VPS53: variants seen among roughly 807,000 people sequenced by gnomAD.
VPS53 encodes the protein vacuolar protein sorting-associated protein 53 homolog.
Under a neutral mutation model 107.0 loss-of-function variants are expected in VPS53, and 70 were observed. The ratio of observed to expected loss-of-function variants is 0.65; its 90% confidence interval spans 0.54 to 0.80. VPS53 has a LOEUF of 0.80. Ranked by LOEUF, VPS53 falls within the 30% of genes least tolerant of loss-of-function variation. The probability of loss-of-function intolerance (pLI) is 0.00; values close to 1 mark genes in which losing one functional copy is unlikely to be tolerated. For synonymous variants in VPS53, 409 were observed against 393.3 expected, an observed-to-expected ratio of 1.04 and a Z score of -0.47; for missense variants, 917 against 1,049.4, an observed-to-expected ratio of 0.87 and a Z score of 1.74.
At chr17:553,579 T>TC in intron 15 of VPS53, 117 bp from the exon 16 acceptor site, 1 of 772,998 alleles carries the variant, frequency 1.3e-6, no homozygotes, top group East Asian at 2.8e-5. Flanking sequence ...ATACACTTTT[T>TC]TTTTTTTTTT....
chr17:601,207 TTAACCAA>T (rs546572652), intron 12 of VPS53: 2 of 152,360 alleles, frequency 1.3e-5, no homozygotes, highest in East Asian at 3.9e-4. Flanking sequence ...AACATGGCAG[TTAACCAA>T]AAACACCATT....
At chr17:707,628 C>T (rs2144001644) in intron 2 of VPS53, among the ~76,000 whole-genome samples, 1 of 151,606 alleles carries the variant, frequency 6.6e-6, no homozygotes, top group African/African-American at 2.4e-5. Flanking sequence ...GCGGGAGGAT[C>T]ACATTAGCTC....
At chr17:611,870 T>C (rs2143013448) in intron 11 of VPS53, among the ~76,000 whole-genome samples, 1 of 150,588 alleles carries the variant, frequency 6.6e-6, no homozygotes, top group Admixed American at 6.6e-5. Context: ...ACATAGTGAG[T>C]TCATACAGTG....
chr17:575,976 C>G (rs1216859431), intron 13 of VPS53, among the ~76,000 whole-genome samples: 2 of 151,448 alleles, frequency 1.3e-5, no homozygotes, highest in African/African-American at 4.9e-5. Flanking sequence ...TCACTCAGAA[C>G]CTAATGCATT....
chr17:704,887 T>C (rs1000458814), intron 2 of VPS53, among the ~76,000 whole-genome samples: 1 of 152,242 alleles, frequency 6.6e-6, no homozygotes, highest in South Asian at 2.1e-4. Context: ...ATCTTTATCC[T>C]AGCTATTCCC....
chr17:710,035 C>T (rs1487678699), intron 2 of VPS53, among the ~76,000 whole-genome samples: 1 of 152,070 alleles, frequency 6.6e-6, no homozygotes, highest in African/African-American at 2.4e-5. Flanking sequence ...GTGCCAGCTA[C>T]TCAGGAGGCT....
intron 15 of VPS53, among the ~76,000 whole-genome samples, chr17:557,803 T>C (rs1053058029): frequency 8.6e-5 from 13 of 152,008 alleles, no homozygotes; most frequent in Admixed American, 2.0e-4. Flanking sequence ...AGAAAACTAA[T>C]GCAAAACATT....
At chr17:605,224 T>C (rs964075137) in intron 11 of VPS53, among the ~76,000 whole-genome samples, 1 of 152,002 alleles carries the variant, frequency 6.6e-6, no homozygotes, top group Non-Finnish European at 1.5e-5. Flanking sequence ...GTGAGGAAGA[T>C]GGATTAGAGA....
rs537156293 is a variant in VPS53 at position 533,606 on chromosome 17, G to A, written c.2016-695C>T. ...ACGCACCTCTCAGATCCTGTTCAAC[G>A]GCGTCTCTAGAAAGCCTTTCTTCTG... On this transcript the variant is annotated intron_variant, in intron 18 of 21. Transcript: ENST00000437048. Among the ~76,000 whole-genome samples the A allele has an allele frequency of 1.1e-4, 16 of 152,250 alleles. No homozygotes were observed. The East Asian group carries it at 2.7e-3, about 26-fold the overall frequency.
At chr17:533,940 A>C (rs747413784) in intron 18 of VPS53, among the ~76,000 whole-genome samples, 1 of 152,088 alleles carries the variant, frequency 6.6e-6, no homozygotes, top group Non-Finnish European at 1.5e-5. Context: ...CCTGGGTTCA[A>C]GCAATTCTGG....
intron 7 of VPS53, 29 bp from the exon 8 acceptor site, chr17:631,657 C>T (rs775598010): frequency 6.2e-7 from 1 of 1,601,118 alleles, no homozygotes; most frequent in Non-Finnish European, 8.6e-7. Context: ...ATATCATCAC[C>T]TGGCATCATA....
At chr17:688,288 T>TCC (rs1972662445) in intron 4 of VPS53, among the ~76,000 whole-genome samples, 1 of 152,034 alleles carries the variant, frequency 6.6e-6, no homozygotes, top group Non-Finnish European at 1.5e-5. Flanking sequence ...GTAAGAGGCT[T>TCC]CCCCCTTCGC....
intron 17 of VPS53, 94 bp downstream of exon 17, chr17:551,778 C>A (rs1911842021): frequency 8.7e-7 from 1 of 1,151,804 alleles, no homozygotes; most frequent in East Asian, 2.8e-5. Flanking sequence ...CCTTTACGCT[C>A]CGATGAGCCT....
intron 13 of VPS53, among the ~76,000 whole-genome samples, chr17:566,598 C>T (rs1182295710): frequency 6.6e-6 from 1 of 151,988 alleles, no homozygotes; most frequent in African/African-American, 2.4e-5. Flanking sequence ...GGGATGGAGG[C>T]CGGTGCAGTG....
chr17:603,434 C>T (rs1478900330), intron 11 of VPS53, among the ~76,000 whole-genome samples: 1 of 152,194 alleles, frequency 6.6e-6, no homozygotes, highest in Non-Finnish European at 1.5e-5. Context: ...AAATAAAATA[C>T]AATAAAATAA....
intron 12 of VPS53, among the ~76,000 whole-genome samples, chr17:591,553 T>C (rs1377181659): frequency 6.6e-6 from 1 of 152,218 alleles, no homozygotes. Flanking sequence ...GCTTTGAATG[T>C]GTCCCAGAGA....
chr17:628,289 C>A (rs1194696940), intron 8 of VPS53, 58 bp from the exon 9 acceptor site: 2 of 1,589,484 alleles, frequency 1.3e-6, no homozygotes, highest in Admixed American at 1.8e-5. Context: ...AACCTCATGG[C>A]TTCTCACAGC....
intron 1 of VPS53, among the ~76,000 whole-genome samples, chr17:712,261 A>G (rs1275867748): frequency 6.8e-6 from 1 of 146,552 alleles, no homozygotes; most frequent in African/African-American, 2.6e-5. Flanking sequence ...GCTCACTGCA[A>G]CCTCTGCCTC....
rs74865291 is a variant in VPS53, at chr17:654,150, G to A, written c.489-740C>T. On this transcript the variant is annotated intron_variant, in intron 6 of 21. Transcript: ENST00000437048. ...GCGGAGGTTTCAGTGACCCGAGATC[G>A]TGCCACTGCACTCCAGCCAGGGTGA... is the stretch of plus-strand genomic sequence containing the variant. 2.1e-3 allele frequency among the ~76,000 whole-genome samples: 317 copies of A among 152,200 alleles called. 8 individuals are homozygous for A. In the East Asian group the frequency reaches 0.055, roughly 27 times the overall value.
Sources: allele counts gnomAD v4.1 joint callset (sites outside exome capture counted in the v4.1 genomes callset), GRCh38; gene constraint gnomAD v4.1.1; transcripts MANE v1.5; gene names NCBI Gene and HGNC (gene_info 2026-07-23, HGNC 2026-07-21).